Variants in UNC13C observed in about 807,000 individuals in gnomAD.
UNC13C encodes unc-13 homolog C, also known as protein unc-13 homolog C.
A neutral mutation model predicts 245.4 loss-of-function variants in UNC13C; 174 were observed. The observed-to-expected ratio is 0.71, with a 90% CI of 0.63 to 0.80. The LOEUF is 0.80. UNC13C is among the 30% of genes least tolerant of loss of function. The pLI, the probability that UNC13C is intolerant of heterozygous loss-of-function variation, is 0.00. For synonymous variants in UNC13C, 992 were observed against 895.1 expected (o/e 1.11, Z -1.93); for missense variants, 2,829 against 2,602.9 (o/e 1.09, Z -1.89).
At chr15:54,001,049 T>C (rs555650711) in intron 1 of UNC13C, among the ~76,000 whole-genome samples, 12 of 152,318 alleles carry the variant, frequency 7.9e-5, no homozygotes, top group Admixed American at 7.8e-4. Flanking sequence ...AAGGACAAGA[T>C]AACCCTTTTC....
the UNC13C span, among the ~76,000 whole-genome samples, chr15:53,838,206 G>T: frequency 6.6e-6 from 1 of 151,838 alleles, no homozygotes; most frequent in Non-Finnish European, 1.5e-5. Context: ...CTATAAATAC[G>T]ATGTGTTTAT....
the UNC13C span, chr15:53,911,263 G>A: frequency 6.6e-6 from 1 of 152,306 alleles, no homozygotes; most frequent in Admixed American, 6.5e-5. Context: ...TAGAGGCCCA[G>A]ATAAATAGCC....
intron 1 of UNC13C, among the ~76,000 whole-genome samples, chr15:53,990,133 A>G (rs1894318831): frequency 6.6e-6 from 1 of 152,040 alleles, no homozygotes; most frequent in Non-Finnish European, 1.5e-5. Flanking sequence ...TCTCACTGAA[A>G]GAGAGATAGA....
At chr15:54,169,624 A>G (rs2033311340) in intron 4 of UNC13C, among the ~76,000 whole-genome samples, 1 of 152,006 alleles carries the variant, frequency 6.6e-6, no homozygotes, top group African/African-American at 2.4e-5. Context: ...CCTTTGCTGC[A>G]CTGCCCACCA....
chr15:53,947,059 A>T, the UNC13C span, among the ~76,000 whole-genome samples: 1 of 152,162 alleles, frequency 6.6e-6, no homozygotes, highest in Non-Finnish European at 1.5e-5. Flanking sequence ...TCAATTTTTT[A>T]TCTTTTGTTC....
the UNC13C span, among the ~76,000 whole-genome samples, chr15:53,952,572 A>G: frequency 2.0e-5 from 3 of 152,206 alleles, no homozygotes; most frequent in Admixed American, 2.0e-4. Context: ...TTTAAAAAAT[A>G]CTGACTTCTT....
chr15:54,012,178 G>T (rs148909758), intron 1 of UNC13C, among the ~76,000 whole-genome samples: 13 of 152,064 alleles, frequency 8.5e-5, no homozygotes, highest in African/African-American at 3.1e-4. Flanking sequence ...AAGATTATTT[G>T]AATGAATCAA....
intron 2 of UNC13C, among the ~76,000 whole-genome samples, chr15:54,037,564 TTA>T (rs1238070918): frequency 6.6e-6 from 1 of 151,934 alleles, no homozygotes; most frequent in African/African-American, 2.4e-5. Context: ...CAAAATGAAT[TTA>T]TATATATTTT....
intron 11 of UNC13C, 66 bp from the exon 12 acceptor site, chr15:54,297,745 G>T: frequency 2.5e-6 from 3 of 1,192,094 alleles, no homozygotes; most frequent in South Asian, 2.8e-5. Flanking sequence ...TTTAGCTTTT[G>T]AGAGGTCGTA....
chr15:54,545,166 T>G (rs1896428698), intron 26 of UNC13C, among the ~76,000 whole-genome samples: 2 of 152,130 alleles, frequency 1.3e-5, no homozygotes, highest in African/African-American at 4.8e-5. Context: ...CACCTGATAT[T>G]GAACAAACCT....
intron 30 of UNC13C, among the ~76,000 whole-genome samples, chr15:54,574,174 T>C (rs1397821247): frequency 6.6e-6 from 1 of 152,184 alleles, no homozygotes; most frequent in African/African-American, 2.4e-5. Flanking sequence ...CTTGCACCAT[T>C]AAAATATGTA....
intron 17 of UNC13C, among the ~76,000 whole-genome samples, chr15:54,363,517 G>A (rs910901771): frequency 4.6e-5 from 7 of 152,184 alleles, no homozygotes; most frequent in Non-Finnish European, 1.0e-4. Flanking sequence ...TGACAAATCA[G>A]GTTAAAGAAG....
chr15:54,296,728 G>GA (rs2037446401), intron 11 of UNC13C, among the ~76,000 whole-genome samples: 2 of 152,158 alleles, frequency 1.3e-5, no homozygotes, highest in Non-Finnish European at 2.9e-5. Flanking sequence ...GCTATGTTTA[G>GA]AAAGAGGGCC....
chr15:53,882,990 C>T, the UNC13C span, among the ~76,000 whole-genome samples: 4 of 151,920 alleles, frequency 2.6e-5, no homozygotes, highest in African/African-American at 4.8e-5. Flanking sequence ...TACAACCACC[C>T]GTATGACACA....
At chr15:54,215,063 T>A (rs193215401) in intron 4 of UNC13C, among the ~76,000 whole-genome samples, 197 of 152,080 alleles carry the variant, frequency 1.3e-3, no homozygotes, top group Non-Finnish European at 2.1e-3. Context: ...CAGAACATTA[T>A]GGAGGGAGTA....
At chr15:54,344,671 C>T (rs1006357296) in intron 17 of UNC13C, among the ~76,000 whole-genome samples, 2 of 152,096 alleles carry the variant, frequency 1.3e-5, no homozygotes, top group African/African-American at 2.4e-5. Context: ...GGCTTATCTC[C>T]CCTCAGTTGG....
intron 2 of UNC13C, among the ~76,000 whole-genome samples, chr15:54,107,492 A>T (rs767063073): frequency 1.3e-5 from 2 of 152,208 alleles, no homozygotes; most frequent in Admixed American, 1.3e-4. Flanking sequence ...TAATATAAAG[A>T]TGATGACCTG....
intron 19 of UNC13C, among the ~76,000 whole-genome samples, chr15:54,478,920 C>G (rs1271839013): frequency 2.6e-5 from 4 of 151,978 alleles, no homozygotes; most frequent in Non-Finnish European, 1.5e-5. Context: ...GTGTTAAAGT[C>G]TCCCATTATT....
At chr15:54,514,349 G>A (rs1894876371) in intron 24 of UNC13C, among the ~76,000 whole-genome samples, 1 of 152,122 alleles carries the variant, frequency 6.6e-6, no homozygotes, top group African/African-American at 2.4e-5. Flanking sequence ...CCTTACAGTG[G>A]AACTGGTTGT....
Sources: gnomAD v4.1 joint callset for allele counts (sites outside exome capture counted in the v4.1 genomes callset) on GRCh38, gnomAD v4.1.1 for gene constraint, MANE v1.5 for transcripts, NCBI Gene and HGNC (gene_info 2026-07-23, HGNC 2026-07-21) for gene names.